Variants in PRKCZ observed in about 807,000 individuals in gnomAD.
The protein encoded by PRKCZ is protein kinase C zeta type.
A neutral mutation model predicts 79.5 loss-of-function variants in PRKCZ; 33 were observed. The ratio of observed to expected loss-of-function variants is 0.41; its 90% CI spans 0.31 to 0.55. The LOEUF is 0.55. Ranked by LOEUF, PRKCZ falls within the 20% of genes least tolerant of loss-of-function variation. The pLI, the probability that PRKCZ is intolerant of heterozygous loss-of-function variation, is 0.19. For synonymous variants in PRKCZ, 342 were observed against 320.9 expected, an observed-to-expected ratio of 1.07 and a Z score of -0.70; for missense variants, 578 against 813.5, an observed-to-expected ratio of 0.71 and a Z score of 3.52.
chr1:2,052,175 G>C (rs1403763239), intron 1 of PRKCZ, among the ~76,000 whole-genome samples: 4 of 152,152 alleles, frequency 2.6e-5, no homozygotes, highest in Non-Finnish European at 5.9e-5. Flanking sequence ...GTCCACACCC[G>C]AGGGGCTGCA....
chr1:2,164,411 C>T (rs956789567), intron 10 of PRKCZ, among the ~76,000 whole-genome samples: 36 of 152,278 alleles, frequency 2.4e-4, no homozygotes, highest in African/African-American at 8.2e-4. Context: ...CTGTGACTGT[C>T]GGGGGACTCT....
intron 5 of PRKCZ, among the ~76,000 whole-genome samples, chr1:2,138,054 C>T (rs753076838): frequency 9.2e-5 from 14 of 152,322 alleles, no homozygotes; most frequent in South Asian, 2.1e-4. Flanking sequence ...GTTCTCTGTC[C>T]GGACCTCAGA....
At chr1:2,081,092 G>A (rs1183030170) in intron 4 of PRKCZ, among the ~76,000 whole-genome samples, 6 of 152,190 alleles carry the variant, frequency 3.9e-5, no homozygotes, top group East Asian at 3.9e-4. Flanking sequence ...TCCTGTCTGC[G>A]GAGTGAGGCG....
At chr1:2,181,132 G>A (rs1686530185) in intron 16 of PRKCZ, among the ~76,000 whole-genome samples, 1 of 148,232 alleles carries the variant, frequency 6.7e-6, no homozygotes, top group African/African-American at 2.5e-5. Flanking sequence ...ATCCTGCCTG[G>A]CCCTACGGAC....
intron 4 of PRKCZ, among the ~76,000 whole-genome samples, chr1:2,087,573 G>A (rs1368026473): frequency 1.3e-5 from 2 of 152,110 alleles, no homozygotes; most frequent in African/African-American, 2.4e-5. Context: ...TTTTAATGAT[G>A]CTCTTATTTT....
intron 4 of PRKCZ, among the ~76,000 whole-genome samples, chr1:2,130,398 G>A (rs531857997): frequency 1.3e-5 from 2 of 152,172 alleles, no homozygotes; most frequent in Non-Finnish European, 2.9e-5. Context: ...GGCTCCTGGC[G>A]TGCCTTCCCG....
intron 3 of PRKCZ, among the ~76,000 whole-genome samples, chr1:2,058,315 T>A (rs931281322): frequency 6.6e-6 from 1 of 150,860 alleles, no homozygotes; most frequent in Admixed American, 6.6e-5. Context: ...AATTTTTTTT[T>A]TTTTTTTTTT....
At chr1:2,171,055 G>A (rs1027877308) in intron 11 of PRKCZ, among the ~76,000 whole-genome samples, 1 of 152,170 alleles carries the variant, frequency 6.6e-6, no homozygotes, top group African/African-American at 2.4e-5. Context: ...TTTAGGCCGG[G>A]CGTGGTGGCT....
chr1:2,146,522 A>G (rs575397255), intron 7 of PRKCZ, among the ~76,000 whole-genome samples: 1 of 152,348 alleles, frequency 6.6e-6, no homozygotes, highest in African/African-American at 2.4e-5. Flanking sequence ...GCTGCTGCAC[A>G]CACAGCGTGG....
At chr1:2,105,156 AC>A (rs1289507384) in intron 4 of PRKCZ, among the ~76,000 whole-genome samples, 1 of 152,174 alleles carries the variant, frequency 6.6e-6, no homozygotes, top group African/African-American at 2.4e-5. Context: ...TCACTGCGTC[AC>A]GGCCATGCTG....
Position 2,121,741 on chromosome 1 carries a change from C to T in PRKCZ, c.335-13521C>T, listed in dbSNP as rs796201772. ...AGGGTCACGGCGGTACTTAGGGTCA[C>T]GGCGGTGGTTAGGGTCACGGCGGTG... On this transcript the variant is annotated intron_variant, in intron 4 of 17. Transcript: ENST00000378567. Among the ~76,000 whole-genome samples the T allele has an allele frequency of 9.7e-3, 49 of 5,028 alleles. 11 individuals are homozygous for T. Among genetic ancestry groups the T allele is most frequent in the African/African-American group, 0.019 (17 of 904 alleles). 3.3% of individuals were successfully genotyped at this position (5,028 alleles called of 152,430 possible).
chr1:2,056,548 C>A lies in PRKCZ; in HGVS notation c.258C>A (p.Cys86Ter). 1 of 1,613,866 alleles carries A rather than the reference C, an allele frequency of 6.2e-7. No individual in the cohort carries two copies. Among genetic ancestry groups the A allele is most frequent in the Non-Finnish European group, 8.5e-7 (1 of 1,179,924 alleles). ...AGGCTTTCCGCCTGGCCCGTCAGTG[C>A]AGGGATGAAGGCCTCATCATTCATG... ...LEEAFRLARQ[C>*]RDEGLIIHVF... is the part of the protein sequence containing the mutation. The change falls in exon 3 of 18, where the codon TGC becomes TGA. Residue 86 changes from cysteine to a stop codon, truncating the protein, a stop_gained. Coordinates refer to ENST00000378567, the MANE Select transcript of PRKCZ (RefSeq NM_002744.6). LOFTEE classifies it high-confidence loss of function.
At chr1:2,181,947 C>A in intron 16 of PRKCZ, 1 of 438,336 alleles carries the variant, frequency 2.3e-6, no homozygotes, top group Non-Finnish European at 4.6e-6. Context: ...ACAGCCCCGG[C>A]CCCTCCCTCC....
At chr1:2,072,523 G>A (rs1661692974) in intron 4 of PRKCZ, among the ~76,000 whole-genome samples, 2 of 148,282 alleles carry the variant, frequency 1.3e-5, no homozygotes, top group South Asian at 2.2e-4. Context: ...TGGGGAGCAG[G>A]CATTGGGTCG....
chr1:2,157,645 A>T (rs976945039), intron 10 of PRKCZ, among the ~76,000 whole-genome samples: 5 of 150,720 alleles, frequency 3.3e-5, no homozygotes, highest in African/African-American at 1.2e-4. Flanking sequence ...ACCTCAAGCC[A>T]TCTGCCCTCT....
At chr1:2,180,317 C>G (rs1686313319) in intron 16 of PRKCZ, among the ~76,000 whole-genome samples, 1 of 152,062 alleles carries the variant, frequency 6.6e-6, no homozygotes, top group African/African-American at 2.4e-5. Context: ...ACTGCAGATG[C>G]ACAGACAACT....
chr1:2,158,849 G>A (rs1281652254), intron 10 of PRKCZ, among the ~76,000 whole-genome samples: 1 of 152,136 alleles, frequency 6.6e-6, no homozygotes, highest in Non-Finnish European at 1.5e-5. Flanking sequence ...TGGGATCCCC[G>A]CAGCGGCACC....
intron 1 of PRKCZ, among the ~76,000 whole-genome samples, chr1:2,051,472 C>T (rs947590441): frequency 6.6e-6 from 1 of 152,226 alleles, no homozygotes; most frequent in African/African-American, 2.4e-5. Flanking sequence ...GTTCTTCCAC[C>T]TGTGCGCGTC....
chr1:2,160,490 G>A (rs1320411692), intron 10 of PRKCZ, among the ~76,000 whole-genome samples: 3 of 152,204 alleles, frequency 2.0e-5, no homozygotes, highest in African/African-American at 7.2e-5. Flanking sequence ...AAGGACGAGG[G>A]CAATGGTGTG....
Sources: allele counts gnomAD v4.1 joint callset (sites outside exome capture counted in the v4.1 genomes callset), GRCh38; gene constraint gnomAD v4.1.1; transcripts MANE v1.5; gene names NCBI Gene and HGNC (gene_info 2026-07-23, HGNC 2026-07-21).